The following PAX7 variants were observed in gnomAD, a reference collection of about 807,000 sequenced individuals.
PAX7 encodes the protein paired box 7.
Under a neutral mutation model 50.7 loss-of-function variants are expected in PAX7, and 18 were observed. The ratio of observed to expected loss-of-function variants is 0.36; its 90% CI spans 0.25 to 0.53. The LOEUF (loss-of-function observed/expected upper bound fraction) is 0.53. Ranked by LOEUF, PAX7 falls within the 20% of genes least tolerant of loss-of-function variation. PAX7 has a pLI of 0.93. For missense variants in PAX7, 644 were observed against 702.9 expected (o/e 0.92, Z 0.95); for synonymous variants, 310 against 290.4 (o/e 1.07, Z -0.69).
chr1:18,707,414 TC>T (rs368396190), intron 7 of PAX7, among the ~76,000 whole-genome samples: 9,301 of 38,138 alleles, frequency 0.24, 575 homozygotes, highest in South Asian at 0.27. Context: ...TTTTTTTCTT[TC>T]TTTTTTTTTT....
intron 7 of PAX7, among the ~76,000 whole-genome samples, chr1:18,704,240 GTAAA>G (rs2089257132): frequency 6.6e-6 from 1 of 152,156 alleles, no homozygotes. Flanking sequence ...CCTGTTTTTT[GTAAA>G]TAAAGTTTTA....
intron 8 of PAX7, among the ~76,000 whole-genome samples, chr1:18,736,404 G>T (rs956958818): frequency 6.7e-6 from 1 of 149,236 alleles, no homozygotes; most frequent in African/African-American, 2.5e-5. Context: ...AGCGGAGGTT[G>T]CAGTGAGCCG....
intron 7 of PAX7, among the ~76,000 whole-genome samples, chr1:18,712,702 G>T (rs1229000841): frequency 1.3e-5 from 2 of 152,174 alleles, no homozygotes; most frequent in African/African-American, 4.8e-5. Flanking sequence ...CTTTCTTAGA[G>T]AACTGGGTAG....
In PAX7 at chr1:18,735,926, A is replaced by G. The variant is rs199659328; in HGVS notation, c.1402+48A>G. 4 of 1,611,918 alleles carry G rather than the reference A, an allele frequency of 2.5e-6. No individual in the cohort carries two copies. The East Asian group carries it at 8.9e-5, about 36-fold the overall frequency. On this transcript the variant is annotated intron_variant, in intron 8 of 8. Transcript: ENST00000420770. This position sits in a 1 kb window ranked among gnomAD's most constrained non-coding sequence, Gnocchi z 4.0. ...GTCCCCCGTCCCCATTCCTTCTCCC[A>G]CCCCCAGGGCCTCCTGCTTGTTTAT... is the stretch of plus-strand genomic sequence containing the variant.
chr1:18,703,020 T>C (rs2089240647), intron 6 of PAX7, 74 bp from the exon 7 acceptor site: 3 of 1,365,702 alleles, frequency 2.2e-6, no homozygotes, highest in Non-Finnish European at 3.1e-6. Flanking sequence ...TCTCTTGGCT[T>C]GCCTTCTGCT....
intron 8 of PAX7, among the ~76,000 whole-genome samples, chr1:18,742,769 C>T (rs1052874331): frequency 6.6e-6 from 1 of 152,228 alleles, no homozygotes; most frequent in Non-Finnish European, 1.5e-5. Flanking sequence ...CAGAGGGGCA[C>T]AGGGTTCAGA....
In PAX7 at chr1:18,690,123, CT is replaced by C. The variant is rs112680992; in HGVS notation, c.587-1630del. Among the ~76,000 whole-genome samples the C allele has an allele frequency of 2.2e-3, 340 of 152,296 alleles. 3 individuals are homozygous for C. Among genetic ancestry groups the C allele is most frequent in the African/African-American group, 7.7e-3 (322 of 41,556 alleles). ...ATGCTCCAAGCCCAGGGCTCAGGTCCTACCTTGCCCACTGCATACCTAGCCT... is the reference window on the plus strand; with the variant it reads ...ATGCTCCAAGCCCAGGGCTCAGGTCCACCTTGCCCACTGCATACCTAGCCT... On this transcript the variant is annotated intron_variant, in intron 4 of 8. Coordinates refer to ENST00000420770, the MANE Select transcript of PAX7 (RefSeq NM_001135254.2).
rs1931379780 is a variant in PAX7 at position 18,745,170 on chromosome 1, G to A, written c.*241G>A. The stretch of plus-strand genomic sequence containing the variant: ...TTTCCCCAAGGAGGGTTTCTGGTCA[G>A]CCTGAGGTCCTCCCCTGTCAAATCC... On this transcript the variant is annotated 3_prime_UTR_variant, in exon 9 of 9. Coordinates refer to ENST00000420770, the MANE Select transcript of PAX7 (RefSeq NM_001135254.2). The A allele has an allele frequency of 5.5e-6, 3 of 544,366 alleles. No individual in the cohort carries two copies. Among genetic ancestry groups the A allele is most frequent in the South Asian group, 4.5e-5 (2 of 44,184 alleles). The allele number at this position is 544,366 out of a possible 1,614,324, so 33.7% of individuals were successfully genotyped here.
chr1:18,635,002 T>G (rs1218988901), intron 2 of PAX7, 109 bp from the exon 3 acceptor site: 3 of 1,364,826 alleles, frequency 2.2e-6, no homozygotes, highest in Non-Finnish European at 3.0e-6. Flanking sequence ...GGACACAAGG[T>G]AACCAGAACC....
chr1:18,688,116 T>C (rs2089002770), intron 4 of PAX7, among the ~76,000 whole-genome samples: 1 of 152,222 alleles, frequency 6.6e-6, no homozygotes, highest in Admixed American at 6.5e-5. Context: ...CTCTATATCT[T>C]GTCCTATTAT....
At chr1:18,650,625 C>T (rs1557509383) in intron 4 of PAX7, among the ~76,000 whole-genome samples, 2 of 152,164 alleles carry the variant, frequency 1.3e-5, no homozygotes, top group Non-Finnish European at 2.9e-5. Flanking sequence ...CAATCTGTCC[C>T]GATCATTCTG....
At chr1:18,685,361 AT>A (rs1206558079) in intron 4 of PAX7, among the ~76,000 whole-genome samples, 1 of 152,234 alleles carries the variant, frequency 6.6e-6, no homozygotes, top group Non-Finnish European at 1.5e-5. Context: ...AGCTCTATTC[AT>A]TCAAGAGGCC....
At chr1:18,643,367 T>G (rs1376787334) in intron 4 of PAX7, among the ~76,000 whole-genome samples, 13 of 143,492 alleles carry the variant, frequency 9.1e-5, no homozygotes, top group East Asian at 8.2e-4. Flanking sequence ...AAGGGAGGGG[T>G]GGGGAGAGGC....
Position 18,636,120 on chromosome 1 carries a change from G to A in PAX7, c.452-117G>A. ...AAATGCCTGTGTGTGGAAGAGGGAT[G>A]AATGGATATCTGTAAGGAAGCAGGG... is the stretch of plus-strand genomic sequence containing the variant. On this transcript the variant is annotated intron_variant, in intron 3 of 8. Transcript: ENST00000420770. This position sits in a 1 kb window ranked among gnomAD's most constrained non-coding sequence, Gnocchi z 5.1. 4 of 1,038,524 alleles carry A rather than the reference G, an allele frequency of 3.9e-6. No individual in the cohort carries two copies. The highest frequency in any genetic ancestry group is 1.5e-5 in the South Asian group (1 of 66,910). 64.3% of individuals were successfully genotyped at this position (1,038,524 alleles called of 1,614,324 possible). A position where few individuals can be genotyped will look rare whatever the true frequency, so the allele number is the denominator to read the frequency against.
chr1:18,710,529 G>A (rs1557544751), intron 7 of PAX7, among the ~76,000 whole-genome samples: 2 of 151,876 alleles, frequency 1.3e-5, no homozygotes, highest in Non-Finnish European at 2.9e-5. Context: ...GGGATTGTGG[G>A]GTGTTAAATA....
intron 4 of PAX7, among the ~76,000 whole-genome samples, chr1:18,686,910 A>G (rs1342016355): frequency 1.2e-5 from 1 of 85,154 alleles, no homozygotes; most frequent in African/African-American, 4.5e-5. Flanking sequence ...TTATTTTTTG[A>G]GACAGAGTCT....
chr1:18,710,825 G>A (rs564635743), intron 7 of PAX7, among the ~76,000 whole-genome samples: 107 of 152,272 alleles, frequency 7.0e-4, no homozygotes, highest in Non-Finnish European at 1.4e-3. Context: ...TTACCAGGGC[G>A]TCAGGAGGAG....
chr1:18,697,405 A>C (rs1013797401), intron 5 of PAX7, among the ~76,000 whole-genome samples: 1 of 152,176 alleles, frequency 6.6e-6, no homozygotes, highest in Non-Finnish European at 1.5e-5. Context: ...GCTATCTCAG[A>C]GGGTCTCCAG....
chr1:18,677,518 A>G (rs1207290159), intron 4 of PAX7, among the ~76,000 whole-genome samples: 5 of 152,210 alleles, frequency 3.3e-5, no homozygotes, highest in Non-Finnish European at 7.3e-5. Flanking sequence ...CCTGTTGGGC[A>G]CATGCTTCTC....
Sources: allele counts gnomAD v4.1 joint callset (sites outside exome capture counted in the v4.1 genomes callset), GRCh38; gene constraint gnomAD v4.1.1; non-coding constraint Gnocchi (gnomAD v3.1); transcripts MANE v1.5; gene names NCBI Gene and HGNC (gene_info 2026-07-23, HGNC 2026-07-21).